Variants in IPPK observed in about 807,000 individuals in gnomAD.
The protein encoded by IPPK is inositol-pentakisphosphate 2-kinase, also known as IPK1 homolog.
A neutral mutation model predicts 64.6 loss-of-function variants in IPPK; 22 were observed. That is an observed-to-expected ratio of 0.34 (90% CI 0.24 to 0.49). The LOEUF is 0.49. Among genes scored for constraint, IPPK ranks in the 20% least tolerant of loss-of-function variants. The pLI, the probability that IPPK is intolerant of heterozygous loss-of-function variation, is 0.99. For synonymous variants in IPPK, 262 were observed against 247.2 expected (o/e 1.06, Z -0.56); for missense variants, 532 against 630.7 (o/e 0.84, Z 1.68).
intron 4 of IPPK, among the ~76,000 whole-genome samples, chr9:92,651,055 G>A (rs534565997): frequency 5.9e-5 from 9 of 152,150 alleles, no homozygotes; most frequent in African/African-American, 9.6e-5. Context: ...CCCTGGAGCC[G>A]GGCTCAGACT....
chr9:92,662,866 C>T (rs143702284), intron 1 of IPPK, among the ~76,000 whole-genome samples: 139 of 152,296 alleles, frequency 9.1e-4, no homozygotes, highest in Non-Finnish European at 1.4e-3. Flanking sequence ...TGGGCTGCAG[C>T]GGAAGGGTAG....
At chr9:92,651,192 G>A (rs1852259984) in intron 4 of IPPK, among the ~76,000 whole-genome samples, 1 of 152,130 alleles carries the variant, frequency 6.6e-6, no homozygotes, top group South Asian at 2.1e-4. Context: ...CCAGAGAATG[G>A]TTTGCTTTCA....
At chr9:92,662,308 C>T (rs1852501549) in intron 1 of IPPK, among the ~76,000 whole-genome samples, 1 of 152,196 alleles carries the variant, frequency 6.6e-6, no homozygotes. Flanking sequence ...CGCAGATCAG[C>T]TGAGGTCGGG....
chr9:92,658,744 C>T, intron 1 of IPPK, 63 bp from the exon 2 acceptor site: 2 of 1,455,372 alleles, frequency 1.4e-6, no homozygotes, highest in Non-Finnish European at 1.9e-6. Flanking sequence ...AGGTGTCAGT[C>T]AGTTTGGGGG....
intron 4 of IPPK, among the ~76,000 whole-genome samples, chr9:92,649,977 G>T (rs952903576): frequency 4.5e-4 from 67 of 147,296 alleles, no homozygotes; most frequent in Non-Finnish European, 6.4e-4. Context: ...GGTGAGCCGA[G>T]ATCGTGCTAC....
Position 92,638,238 on chromosome 9 carries a change from C to T in IPPK, c.679G>A (p.Val227Met), listed in dbSNP as rs199506973. The T allele has an allele frequency of 6.8e-6, 11 of 1,614,190 alleles. No homozygotes were observed. Among genetic ancestry groups the T allele is most frequent in the Admixed American group, 6.7e-5 (4 of 60,024 alleles). The part of the protein sequence containing the change: ...IYGCKDARSP[V>M]ADWSELAHHL... The stretch of plus-strand genomic sequence containing the variant: ...TGTGCAAGCTCGCTCCAGTCAGCCA[C>T]GGGGCTCCGGGCATCTTTGCAGCCG... Residue 227 changes from valine (V) to methionine (M), a missense_variant, in exon 9 of 13, where the codon GTG becomes ATG. Physicochemically the swap from Val to Met is conservative, Grantham distance 21 (BLOSUM62 1). Coordinates refer to ENST00000287996, the MANE Select transcript of IPPK (RefSeq NM_022755.6).
chr9:92,646,156 T>C (rs1052996484), intron 6 of IPPK, among the ~76,000 whole-genome samples: 1 of 152,170 alleles, frequency 6.6e-6, no homozygotes, highest in African/African-American at 2.4e-5. Context: ...ATGATTGAAA[T>C]GGAGTTGGTA....
At chr9:92,622,847 G>A (rs1475064339) in intron 11 of IPPK, among the ~76,000 whole-genome samples, 2 of 152,148 alleles carry the variant, frequency 1.3e-5, no homozygotes, top group African/African-American at 2.4e-5. Context: ...GAAGAAGACA[G>A]AAGGATTTGT....
rs575344196 is a variant in IPPK at position 92,637,454 on chromosome 9, G to A, written c.916+547C>T. Among the ~76,000 whole-genome samples the A allele has an allele frequency of 1.1e-4, 16 of 152,326 alleles. No homozygotes were observed. The East Asian group carries it at 2.1e-3, about 20-fold the overall frequency. On this transcript the variant is annotated intron_variant, in intron 9 of 12. Transcript: ENST00000287996. ...GTCTCTATGGGCTGCCAAGAATCAC[G>A]GGCAGCGTCAGCTCATGAGATGTCA... is the stretch of plus-strand genomic sequence containing the variant.
chr9:92,653,331 T>C (rs973001495), intron 3 of IPPK, among the ~76,000 whole-genome samples: 1 of 152,190 alleles, frequency 6.6e-6, no homozygotes, highest in Non-Finnish European at 1.5e-5. Flanking sequence ...CTAAGAATGC[T>C]GGGATCCTGC....
At chr9:92,636,840 G>A (rs1048195349) in intron 9 of IPPK, among the ~76,000 whole-genome samples, 3 of 152,060 alleles carry the variant, frequency 2.0e-5, no homozygotes, top group South Asian at 2.1e-4. Context: ...CAGGAGCCCC[G>A]GGGTGCTGTG....
chr9:92,626,551 G>A (rs1851737438), intron 11 of IPPK, among the ~76,000 whole-genome samples: 1 of 152,196 alleles, frequency 6.6e-6, no homozygotes. Flanking sequence ...TGAAAAATAT[G>A]AAAGAGCAGT....
At chr9:92,645,046 T>G (rs550686440) in intron 6 of IPPK, among the ~76,000 whole-genome samples, 1 of 152,156 alleles carries the variant, frequency 6.6e-6, no homozygotes, top group Admixed American at 6.5e-5. Flanking sequence ...GAATAATGTC[T>G]CAACAAATAG....
chr9:92,650,025 C>CAAA (rs976792024), intron 4 of IPPK, among the ~76,000 whole-genome samples: 1 of 68,716 alleles, frequency 1.5e-5, no homozygotes. Context: ...GACTCTGTCT[C>CAAA]AAAAAAAAAA....
At chr9:92,638,328 T>G in intron 8 of IPPK, 48 bp from the exon 9 acceptor site, 2 of 1,575,522 alleles carry the variant, frequency 1.3e-6, no homozygotes, top group Non-Finnish European at 1.7e-6. Context: ...ACCAAGCTTG[T>G]AGGAAAAGAA....
intron 1 of IPPK, among the ~76,000 whole-genome samples, chr9:92,668,692 A>C (rs143965975): frequency 2.0e-5 from 3 of 152,360 alleles, no homozygotes; most frequent in African/African-American, 7.2e-5. Context: ...AGTGGACTAC[A>C]CAAGAGAAGG....
At chr9:92,649,931 CAGG>C (rs1156671933) in intron 4 of IPPK, among the ~76,000 whole-genome samples, 6 of 150,868 alleles carry the variant, frequency 4.0e-5, no homozygotes, top group Admixed American at 3.3e-4. Flanking sequence ...GAGGCTGAAG[CAGG>C]AGAATTGCTT....
chr9:92,629,657 G>A (rs1851797822), intron 11 of IPPK, among the ~76,000 whole-genome samples: 2 of 148,964 alleles, frequency 1.3e-5, no homozygotes, highest in South Asian at 4.2e-4. Flanking sequence ...TCAGGAGGCT[G>A]AGATTGCACT....
chr9:92,628,867 G>A (rs1400002841), intron 11 of IPPK, among the ~76,000 whole-genome samples: 2 of 151,742 alleles, frequency 1.3e-5, no homozygotes, highest in Non-Finnish European at 2.9e-5. Context: ...GTGACAGAGT[G>A]AGACTCTGTC....
Sources: gnomAD v4.1 joint callset for allele counts (sites outside exome capture counted in the v4.1 genomes callset) on GRCh38, gnomAD v4.1.1 for gene constraint, MANE v1.5 for transcripts, NCBI Gene and HGNC (gene_info 2026-07-23, HGNC 2026-07-21) for gene names.